TMPRSS11E: variants seen among roughly 807,000 people sequenced by gnomAD.
TMPRSS11E encodes the protein transmembrane serine protease 11E.
In TMPRSS11E, 38 loss-of-function variants were observed where a neutral mutation model predicts 48.1. The ratio of observed to expected loss-of-function variants is 0.79; its 90% CI spans 0.61 to 1.04. The LOEUF (loss-of-function observed/expected upper bound fraction) is 1.04, where lower values mean the gene tolerates loss of function less well. Ranked by LOEUF, TMPRSS11E falls within the 50% of genes least tolerant of loss-of-function variation. TMPRSS11E has a pLI of 0.00. For synonymous variants in TMPRSS11E, 158 were observed against 171.9 expected (o/e 0.92, Z 0.63); for missense variants, 530 against 510.8 (o/e 1.04, Z -0.36).
At chr4:68,454,162 G>A (rs1245487522) in intron 1 of TMPRSS11E, among the ~76,000 whole-genome samples, 1 of 151,912 alleles carries the variant, frequency 6.6e-6, no homozygotes, top group African/African-American at 2.4e-5. Context: ...AAGTTTGAAT[G>A]GTAAGAGGTA....
rs537487366 is a variant in TMPRSS11E at position 68,479,080 on chromosome 4, A to G, written c.1110+89A>G. On this transcript the variant is annotated intron_variant, in intron 9 of 9. Coordinates refer to ENST00000305363, the MANE Select transcript of TMPRSS11E (RefSeq NM_014058.4). ...TATATCTACAGGAAGTTGCAAAGAT[A>G]GTACAGAGGAGTCACAACATCTCAC... 8.1e-5 allele frequency: 118 copies of G among 1,465,314 alleles called. No homozygotes were observed. In the East Asian group the frequency reaches 2.1e-3, roughly 25 times the overall value. 90.8% of individuals were successfully genotyped at this position (1,465,314 alleles called of 1,614,324 possible). A position where few individuals can be genotyped will look rare whatever the true frequency, so the allele number is the denominator to read the frequency against.
chr4:68,465,124 A>G (rs1255932963), intron 2 of TMPRSS11E, among the ~76,000 whole-genome samples: 1 of 152,190 alleles, frequency 6.6e-6, no homozygotes, highest in African/African-American at 2.4e-5. Flanking sequence ...ATTTCCAGGT[A>G]CCTGCCTGAA....
chr4:68,455,665 A>G (rs931198806), intron 1 of TMPRSS11E, among the ~76,000 whole-genome samples: 2 of 151,956 alleles, frequency 1.3e-5, no homozygotes, highest in Admixed American at 1.3e-4. Context: ...AGGTTTCTCA[A>G]TCATTTTTCT....
chr4:68,463,683 T>G (rs1221601186), intron 2 of TMPRSS11E, among the ~76,000 whole-genome samples: 1 of 152,226 alleles, frequency 6.6e-6, no homozygotes, highest in African/African-American at 2.4e-5. Flanking sequence ...GAGTCCTACT[T>G]TGTTGTAAGC....
intron 9 of TMPRSS11E, 137 bp from the exon 10 acceptor site, chr4:68,496,506 G>A (rs967988628): frequency 2.3e-6 from 2 of 853,458 alleles, no homozygotes; most frequent in African/African-American, 1.7e-5. Context: ...CATAGATGGA[G>A]AAAATCACTT....
chr4:68,460,507 A>G (rs766078316), intron 1 of TMPRSS11E, among the ~76,000 whole-genome samples: 1 of 152,162 alleles, frequency 6.6e-6, no homozygotes, highest in Non-Finnish European at 1.5e-5. Flanking sequence ...TGTTAATGAA[A>G]GGGCTGCACT....
chr4:68,451,831 A>G (rs1462201671), intron 1 of TMPRSS11E, among the ~76,000 whole-genome samples: 1 of 151,916 alleles, frequency 6.6e-6, no homozygotes, highest in East Asian at 1.9e-4. Context: ...GTAATAATAA[A>G]AGGCAGAACT....
intron 1 of TMPRSS11E, among the ~76,000 whole-genome samples, chr4:68,448,493 T>C (rs932837937): frequency 1.3e-5 from 2 of 151,956 alleles, no homozygotes; most frequent in Non-Finnish European, 2.9e-5. Flanking sequence ...TCCTATTCTC[T>C]TTTTCTCATT....
At chr4:68,461,029 T>C (rs565036059) in intron 1 of TMPRSS11E, among the ~76,000 whole-genome samples, 27 of 152,138 alleles carry the variant, frequency 1.8e-4, no homozygotes, top group Admixed American at 4.6e-4. Context: ...TACAGGCGCC[T>C]GCCACCATGC....
At chr4:68,451,512 A>G (rs1443775058) in intron 1 of TMPRSS11E, among the ~76,000 whole-genome samples, 1 of 151,906 alleles carries the variant, frequency 6.6e-6, no homozygotes, top group Non-Finnish European at 1.5e-5. Context: ...AGGGGGATCC[A>G]AAGTACTATA....
At chr4:68,494,661 T>C (rs531760121) in intron 9 of TMPRSS11E, among the ~76,000 whole-genome samples, 2 of 152,280 alleles carry the variant, frequency 1.3e-5, no homozygotes, top group South Asian at 4.1e-4. Flanking sequence ...AGAGACAGAC[T>C]GGTCCCTCAA....
Position 68,469,872 on chromosome 4 carries a change from A to G in TMPRSS11E, c.326+926A>G, listed in dbSNP as rs572175658. On this transcript the variant is annotated intron_variant, in intron 4 of 9. Transcript: ENST00000305363. ...TAAATGAGAAACCTGGAAGTCATCA[A>G]ACACTCCTTCCTTTCCTGGTCCCCT... Among the ~76,000 whole-genome samples, 3 of 152,098 alleles carry G rather than the reference A, an allele frequency of 2.0e-5. No individual in the cohort carries two copies. In the South Asian group the frequency reaches 6.2e-4, roughly 32 times the overall value.
chr4:68,494,354 C>T (rs879143614), intron 9 of TMPRSS11E, among the ~76,000 whole-genome samples: 5 of 152,094 alleles, frequency 3.3e-5, no homozygotes, highest in Non-Finnish European at 5.9e-5. Flanking sequence ...TTAAGTTTCT[C>T]GCTCATATTA....
chr4:68,476,166 G>A, intron 6 of TMPRSS11E, 95 bp from the exon 7 acceptor site: 3 of 1,526,836 alleles, frequency 2.0e-6, no homozygotes, highest in Non-Finnish European at 2.7e-6. Flanking sequence ...GGAGCACAAA[G>A]TAGAAGAAAT....
intron 9 of TMPRSS11E, among the ~76,000 whole-genome samples, chr4:68,496,311 G>A (rs1047920350): frequency 1.3e-5 from 2 of 151,898 alleles, no homozygotes; most frequent in Admixed American, 6.6e-5. Context: ...CTAATAAAGA[G>A]TATAGACAAA....
At chr4:68,454,830 G>C (rs777435306) in intron 1 of TMPRSS11E, among the ~76,000 whole-genome samples, 8 of 151,808 alleles carry the variant, frequency 5.3e-5, no homozygotes, top group Non-Finnish European at 1.0e-4. Context: ...TAAAAAGTTG[G>C]TGTATAGTAG....
At position 68,477,392 on chromosome 4, in the gene TMPRSS11E, C is replaced by A. The variant is rs754187711; in HGVS notation, c.731C>A (p.Thr244Asn). ...AGATATAAGAACCCTGCCAGATGGA[C>A]TGCTTCCTTTGGAGTAACAATAAAA... is the stretch of plus-strand genomic sequence containing the variant. ...FTTYKNPARW[T>N]ASFGVTIKPS... The change falls in exon 8 of 10, where the codon ACT becomes AAT. Residue 244 changes from threonine to asparagine, a missense_variant. Thr to Asn is a moderately conservative substitution (Grantham distance 65). Transcript: ENST00000305363. The A allele has an allele frequency of 3.1e-6, 5 of 1,613,854 alleles. No individual in the cohort carries two copies. The highest frequency in any genetic ancestry group is 4.2e-6 in the Non-Finnish European group (5 of 1,179,874).
chr4:68,494,210 C>G (rs1421966414), intron 9 of TMPRSS11E, among the ~76,000 whole-genome samples: 1 of 151,878 alleles, frequency 6.6e-6, no homozygotes, highest in Non-Finnish European at 1.5e-5. Context: ...CAACTCTTGC[C>G]CATATTTAGT....
Position 68,475,328 on chromosome 4 carries a change from G to A in TMPRSS11E, c.529+567G>A, listed in dbSNP as rs2603184. ...GAGTCTAGGCCTAGCATTTTTCTTC[G>A]CCTATAGCCAAGTATGCCACCATGA... On this transcript the variant is annotated intron_variant, in intron 6 of 9. Transcript: ENST00000305363. 3.9e-5 allele frequency among the ~76,000 whole-genome samples: 6 copies of A among 151,964 alleles called. No homozygotes were observed. In the South Asian group the frequency reaches 1.0e-3, roughly 26 times the overall value.
Sources: gnomAD v4.1 joint callset for allele counts (sites outside exome capture counted in the v4.1 genomes callset) on GRCh38, gnomAD v4.1.1 for gene constraint, MANE v1.5 for transcripts, NCBI Gene and HGNC (gene_info 2026-07-23, HGNC 2026-07-21) for gene names.